TBC1D8B: variants seen among roughly 807,000 people sequenced by gnomAD.
TBC1D8B encodes RP11-321G1.1.
Under a neutral mutation model 82.9 loss-of-function variants are expected in TBC1D8B, and 75 were observed. The observed-to-expected ratio is 0.90, with a 90% CI of 0.75 to 1.10. The LOEUF is 1.10. Ranked by LOEUF, TBC1D8B falls within the 50% of genes least tolerant of loss-of-function variation. The pLI is 0.00. For synonymous variants in TBC1D8B, 276 were observed against 276.8 expected (o/e 1.00, Z 0.03); for missense variants, 794 against 796.9 (o/e 1.00, Z 0.04).
At chrX:106,805,703 A>G (rs1481608891) in intron 1 of TBC1D8B, among the ~76,000 whole-genome samples, 1 of 112,081 alleles carries the variant, frequency 8.9e-6, no homozygotes, top group African/African-American at 3.2e-5. Context: ...TTTAAGGTTC[A>G]TTTGGTTCTT....
intron 5 of TBC1D8B, among the ~76,000 whole-genome samples, chrX:106,824,435 G>A (rs2147734803): frequency 9.0e-6 from 1 of 110,999 alleles, no homozygotes; most frequent in East Asian, 2.8e-4. Flanking sequence ...ATTTGTTTGT[G>A]AGCCTCCCTG....
At chrX:106,819,058 A>G (rs1165474063) in intron 2 of TBC1D8B, among the ~76,000 whole-genome samples, 2 of 109,297 alleles carry the variant, frequency 1.8e-5, no homozygotes, top group Non-Finnish European at 3.8e-5. Context: ...CCTTTCTTCA[A>G]CTTCTGCTTT....
At chrX:106,852,735 G>T (rs1254588089) in intron 12 of TBC1D8B, among the ~76,000 whole-genome samples, 1 of 109,634 alleles carries the variant, frequency 9.1e-6, no homozygotes, top group Non-Finnish European at 1.9e-5. Flanking sequence ...TAGATATGCG[G>T]CATTATTTCT....
intron 1 of TBC1D8B, among the ~76,000 whole-genome samples, chrX:106,807,113 A>T (rs778202702): frequency 1.1e-4 from 12 of 111,157 alleles, no homozygotes; most frequent in African/African-American, 3.9e-4. Context: ...TGATAAAAAA[A>T]TTTTGGCCTT....
intron 12 of TBC1D8B, among the ~76,000 whole-genome samples, chrX:106,852,750 G>C (rs1219923089): frequency 9.1e-6 from 1 of 109,902 alleles, no homozygotes; most frequent in Non-Finnish European, 1.9e-5. Flanking sequence ...ATTTCTGAGG[G>C]CTCTGTTCTG....
intron 2 of TBC1D8B, among the ~76,000 whole-genome samples, chrX:106,819,742 G>A (rs1245708426): frequency 9.1e-6 from 1 of 110,417 alleles, no homozygotes; most frequent in Non-Finnish European, 1.9e-5. Context: ...TATACCTGCT[G>A]ACATCACGAG....
chrX:106,866,162 C>A (rs903760958), intron 16 of TBC1D8B, 129 bp downstream of exon 16: 2 of 644,663 alleles, frequency 3.1e-6, no homozygotes, highest in Non-Finnish European at 4.5e-6. Flanking sequence ...ATAAATGGAC[C>A]CTTTTCTGCA....
chrX:106,821,048 A>T (rs1931679919), intron 3 of TBC1D8B, 53 bp downstream of exon 3: 2 of 671,780 alleles, frequency 3.0e-6, no homozygotes, highest in Admixed American at 3.7e-5. Context: ...TTTGACTCTC[A>T]TGTATGAGGA....
intron 12 of TBC1D8B, among the ~76,000 whole-genome samples, chrX:106,851,477 C>T (rs964796175): frequency 1.1e-4 from 12 of 111,678 alleles, no homozygotes; most frequent in Middle Eastern, 4.6e-3. Flanking sequence ...AGGTTTGTTA[C>T]ATATGTATAC....
intron 5 of TBC1D8B, among the ~76,000 whole-genome samples, chrX:106,824,997 G>A (rs753846393): frequency 2.7e-5 from 3 of 111,238 alleles, no homozygotes; most frequent in Non-Finnish European, 5.7e-5. Context: ...TGCAAAAATA[G>A]GTCTGGACAT....
At chrX:106,860,270 T>C (rs1486781350) in intron 14 of TBC1D8B, among the ~76,000 whole-genome samples, 1 of 110,357 alleles carries the variant, frequency 9.1e-6, no homozygotes, top group African/African-American at 3.3e-5. Context: ...GTAGGAATGG[T>C]ACCAGCTCTT....
intron 1 of TBC1D8B, chrX:106,815,877 C>A (rs189400373): frequency 3.6e-5 from 4 of 111,410 alleles, no homozygotes; most frequent in African/African-American, 1.3e-4. Context: ...ATGCTAAAAC[C>A]TCTCAATAAA....
chrX:106,833,535 T>A lies in TBC1D8B; in HGVS notation c.1204-5773T>A, dbSNP rs192096436. Among the ~76,000 whole-genome samples the A allele has an allele frequency of 4.1e-3, 456 of 112,407 alleles. 1 individual carries two copies. The highest frequency in any genetic ancestry group is 0.023 in the Middle Eastern group (5 of 217). On this transcript the variant is annotated intron_variant, in intron 7 of 20. Coordinates refer to ENST00000357242, the MANE Select transcript of TBC1D8B (RefSeq NM_017752.3). ...TTGAATAATCTACTTTATTACACTC[T>A]TCAAAATTTCAAACATTAAACTACC...
chrX:106,814,395 A>C (rs778553193), intron 1 of TBC1D8B: 2 of 106,616 alleles, frequency 1.9e-5, no homozygotes, highest in Non-Finnish European at 3.9e-5. Flanking sequence ...TTATGGCTGC[A>C]TAGTATTCCA....
chrX:106,830,388 G>A (rs1393495716), intron 7 of TBC1D8B, among the ~76,000 whole-genome samples: 1 of 111,487 alleles, frequency 9.0e-6, no homozygotes, highest in Admixed American at 9.5e-5. Flanking sequence ...TCAGTGTGGC[G>A]ATTCCTCAGG....
intron 1 of TBC1D8B, among the ~76,000 whole-genome samples, chrX:106,811,821 C>A (rs2147721387): frequency 9.0e-6 from 1 of 111,452 alleles, no homozygotes; most frequent in African/African-American, 3.3e-5. Flanking sequence ...AGTACCAATT[C>A]TCATATTTTC....
At chrX:106,842,131 AT>A (rs113697502) in intron 10 of TBC1D8B, among the ~76,000 whole-genome samples, 315 of 105,184 alleles carry the variant, frequency 3.0e-3, no homozygotes, top group African/African-American at 5.3e-3. Context: ...GTCAATAGAG[AT>A]TTTTTTTTTT....
chrX:106,854,688 A>T (rs753181552), intron 14 of TBC1D8B, among the ~76,000 whole-genome samples: 136 of 106,435 alleles, frequency 1.3e-3, no homozygotes, highest in Non-Finnish European at 1.4e-3. Flanking sequence ...TAATTTTTAA[A>T]TTTTTTTTTT....
intron 2 of TBC1D8B, among the ~76,000 whole-genome samples, chrX:106,819,893 T>C (rs1931649979): frequency 9.0e-6 from 1 of 111,088 alleles, no homozygotes; most frequent in Non-Finnish European, 1.9e-5. Flanking sequence ...TACCTACTAA[T>C]GAAGCTTCCT....
Sources: allele counts gnomAD v4.1 joint callset (sites outside exome capture counted in the v4.1 genomes callset), GRCh38; gene constraint gnomAD v4.1.1; transcripts MANE v1.5; gene names NCBI Gene and HGNC (gene_info 2026-07-23, HGNC 2026-07-21).